Variants in CCDC170 observed in about 807,000 individuals in gnomAD.
CCDC170 encodes the protein coiled-coil domain-containing protein 170.
Under a neutral mutation model 72.6 loss-of-function variants are expected in CCDC170, and 69 were observed. The observed-to-expected ratio is 0.95, with a 90% CI of 0.78 to 1.16. The LOEUF (loss-of-function observed/expected upper bound fraction) is 1.16. Ranked by LOEUF, CCDC170 falls within the 50% of genes most tolerant of loss-of-function variation. CCDC170 has a pLI of 0.00. For missense variants in CCDC170, 852 were observed against 832.5 expected (o/e 1.02, Z -0.29); for synonymous variants, 300 against 303.9 (o/e 0.99, Z 0.13).
intron 5 of CCDC170, among the ~76,000 whole-genome samples, chr6:151,549,201 G>A (rs147993837): frequency 1.2e-4 from 19 of 152,060 alleles, no homozygotes; most frequent in East Asian, 5.8e-4. Flanking sequence ...CACCACGGCC[G>A]GTCTAATTTT....
At chr6:151,592,334 T>C (rs1303712314) in intron 7 of CCDC170, among the ~76,000 whole-genome samples, 1 of 152,154 alleles carries the variant, frequency 6.6e-6, no homozygotes, top group Non-Finnish European at 1.5e-5. Context: ...TACTCCAGCC[T>C]GGGTGACAGA....
At position 151,571,151 on chromosome 6, in the gene CCDC170, C is replaced by G. The variant is rs146971115; in HGVS notation, c.775-2023C>G. On this transcript the variant is annotated intron_variant, in intron 5 of 10. Coordinates refer to ENST00000239374, the MANE Select transcript of CCDC170 (RefSeq NM_025059.4). ...GGCTATCCTTTTTCCTGTTTCCAAG[C>G]TGTTAATGGAGAGAAATTTCTTTTA... is the stretch of plus-strand genomic sequence containing the variant. Among the ~76,000 whole-genome samples the G allele has an allele frequency of 2.8e-3, 421 of 152,192 alleles. 1 individual carries two copies. The highest frequency in any genetic ancestry group is 4.7e-3 in the Non-Finnish European group (317 of 68,004).
chr6:151,553,195 C>G (rs1313996616), intron 5 of CCDC170, among the ~76,000 whole-genome samples: 1 of 152,050 alleles, frequency 6.6e-6, no homozygotes, highest in Non-Finnish European at 1.5e-5. Flanking sequence ...TACCATTAGC[C>G]CAGTCATTGT....
intron 9 of CCDC170, among the ~76,000 whole-genome samples, chr6:151,614,093 T>C (rs1363235185): frequency 6.6e-6 from 1 of 152,042 alleles, no homozygotes; most frequent in East Asian, 1.9e-4. Context: ...CTTCAAATTC[T>C]TTTTTTTATT....
chr6:151,608,540 G>T (rs79531798), intron 9 of CCDC170, among the ~76,000 whole-genome samples: 7 of 152,208 alleles, frequency 4.6e-5, no homozygotes, highest in Non-Finnish European at 8.8e-5. Flanking sequence ...GGAGGGTACC[G>T]TTGTGTAGTC....
intron 9 of CCDC170, among the ~76,000 whole-genome samples, chr6:151,598,532 C>G (rs1776658094): frequency 6.6e-6 from 1 of 152,164 alleles, no homozygotes; most frequent in Non-Finnish European, 1.5e-5. Flanking sequence ...CTTGAATTAG[C>G]TGAGACCAAT....
rs111669452 is a variant in CCDC170 at position 151,523,768 on chromosome 6, G to A, written c.58-12550G>A. On this transcript the variant is annotated intron_variant, in intron 1 of 10. Coordinates refer to ENST00000239374, the MANE Select transcript of CCDC170 (RefSeq NM_025059.4). ...TTGGCCAGAACACTATTTATATTCC[G>A]TTTATTTTAACAATGAATTTCCTGT... Among the ~76,000 whole-genome samples, 507 of 151,714 alleles carry A rather than the reference G, an allele frequency of 3.3e-3. 2 individuals are homozygous for A. Among genetic ancestry groups the A allele is most frequent in the African/African-American group, 0.012 (493 of 41,326 alleles).
At chr6:151,507,616 T>C (rs1030923770) in intron 1 of CCDC170, among the ~76,000 whole-genome samples, 29 of 152,112 alleles carry the variant, frequency 1.9e-4, no homozygotes, top group Admixed American at 1.8e-3. Context: ...GTAGAAACAT[T>C]ATGTAGAAAA....
rs374430703 is a variant in CCDC170, at chr6:151,545,686, G to A, written c.588+970G>A. ...ATCTTGCTCTGTCATCCAGGCTGGA[G>A]TACAGTGATATGATCCTAGTTTACT... On this transcript the variant is annotated intron_variant, in intron 4 of 10. Coordinates refer to ENST00000239374, the MANE Select transcript of CCDC170 (RefSeq NM_025059.4). Among the ~76,000 whole-genome samples, 74 of 152,190 alleles carry A rather than the reference G, an allele frequency of 4.9e-4. No homozygotes were observed. The East Asian group carries it at 8.7e-3, about 18-fold the overall frequency.
At chr6:151,605,290 C>T (rs951303771) in intron 9 of CCDC170, among the ~76,000 whole-genome samples, 100 of 152,312 alleles carry the variant, frequency 6.6e-4, no homozygotes, top group African/African-American at 2.3e-3. Flanking sequence ...CTGTGTTTGC[C>T]TCAGCTCTAG....
intron 3 of CCDC170, among the ~76,000 whole-genome samples, chr6:151,543,715 T>C (rs903853307): frequency 2.6e-5 from 4 of 152,226 alleles, no homozygotes; most frequent in African/African-American, 7.2e-5. Context: ...AGTGAAAACA[T>C]GAGGTAATTA....
intron 9 of CCDC170, among the ~76,000 whole-genome samples, chr6:151,605,556 G>A (rs1400517345): frequency 6.6e-6 from 1 of 152,174 alleles, no homozygotes. Flanking sequence ...CTTTCTGTGG[G>A]TTGAGGCAGA....
intron 8 of CCDC170, among the ~76,000 whole-genome samples, chr6:151,594,250 C>G (rs1001647162): frequency 1.3e-5 from 2 of 151,736 alleles, no homozygotes; most frequent in Admixed American, 1.3e-4. Flanking sequence ...CATCTGGGCT[C>G]CCAATTCGGT....
intron 10 of CCDC170, among the ~76,000 whole-genome samples, chr6:151,617,533 G>T: frequency 7.0e-6 from 1 of 143,110 alleles, no homozygotes; most frequent in East Asian, 2.1e-4. Flanking sequence ...CATTTGTTTA[G>T]TTCTTCCTAG....
intron 9 of CCDC170, among the ~76,000 whole-genome samples, chr6:151,598,704 A>AAGAATCCC (rs1437079296): frequency 6.6e-6 from 1 of 152,198 alleles, no homozygotes; most frequent in Non-Finnish European, 1.5e-5. Flanking sequence ...GAGGGGAGAG[A>AAGAATCCC]AGAATCCCCT....
chr6:151,510,737 TTTC>T (rs1417389624), intron 1 of CCDC170, among the ~76,000 whole-genome samples: 5 of 150,542 alleles, frequency 3.3e-5, no homozygotes, highest in East Asian at 1.9e-4. Context: ...GTAAGTTTTT[TTTC>T]TTCTTCTTTT....
At chr6:151,504,260 G>A (rs1182391555) in intron 1 of CCDC170, among the ~76,000 whole-genome samples, 14 of 151,948 alleles carry the variant, frequency 9.2e-5, no homozygotes, top group Admixed American at 7.9e-4. Flanking sequence ...TGAGTTCCTT[G>A]GATTATTCTT....
chr6:151,567,886 G>T (rs1020764958), intron 5 of CCDC170, among the ~76,000 whole-genome samples: 18 of 152,010 alleles, frequency 1.2e-4, no homozygotes, highest in Admixed American at 2.6e-4. Context: ...AGGCAGGCAG[G>T]CGGGTCACAA....
intron 10 of CCDC170, among the ~76,000 whole-genome samples, chr6:151,616,413 C>T (rs1168438446): frequency 6.6e-6 from 1 of 152,104 alleles, no homozygotes; most frequent in East Asian, 1.9e-4. Context: ...GCTTTTGTCT[C>T]TTTCTCCTTT....
Sources: gnomAD v4.1 joint callset for allele counts (sites outside exome capture counted in the v4.1 genomes callset) on GRCh38, gnomAD v4.1.1 for gene constraint, MANE v1.5 for transcripts, NCBI Gene and HGNC (gene_info 2026-07-23, HGNC 2026-07-21) for gene names.